The following PAK3 variants were observed in gnomAD, a reference collection of about 807,000 sequenced individuals.
PAK3 encodes the protein p21 (RAC1) activated kinase 3.
In PAK3, 4 loss-of-function variants were observed where a neutral mutation model predicts 41.0. The ratio of observed to expected loss-of-function variants is 0.10; its 90% CI spans 0.05 to 0.22. PAK3 has a LOEUF of 0.22. PAK3 is among the 10% of genes least tolerant of loss of function. PAK3 has a pLI of 1.00. For synonymous variants in PAK3, 146 were observed against 139.6 expected (o/e 1.05, Z -0.32); for missense variants, 205 against 409.9 (o/e 0.50, Z 4.32).
intron 4 of PAK3, among the ~76,000 whole-genome samples, chrX:111,119,432 A>C (rs978638065): frequency 2.7e-5 from 3 of 112,248 alleles, no homozygotes; most frequent in Non-Finnish European, 5.6e-5. Context: ...GGCTATATCT[A>C]ATGTGCTACT....
chrX:111,077,679 A>T (rs192909415), intron 1 of PAK3, among the ~76,000 whole-genome samples: 1 of 112,085 alleles, frequency 8.9e-6, no homozygotes. Flanking sequence ...TGAAGACTTA[A>T]ATATAATACT....
intron 10 of PAK3, among the ~76,000 whole-genome samples, chrX:111,166,374 G>T (rs2094255455): frequency 9.0e-6 from 1 of 111,503 alleles, no homozygotes; most frequent in Non-Finnish European, 1.9e-5. Flanking sequence ...CACAATCATG[G>T]CTCACTGCAA....
intron 5 of PAK3, among the ~76,000 whole-genome samples, chrX:111,132,479 A>T (rs1233759245): frequency 9.0e-6 from 1 of 111,003 alleles, no homozygotes; most frequent in Non-Finnish European, 1.9e-5. Flanking sequence ...GGAAAGAAGG[A>T]CAAGGGCTTC....
intron 1 of PAK3, among the ~76,000 whole-genome samples, chrX:110,986,063 G>A (rs887939071): frequency 1.8e-5 from 2 of 111,173 alleles, no homozygotes; most frequent in Non-Finnish European, 3.8e-5. Flanking sequence ...CCATAGGGTA[G>A]CAGCTACTTT....
At chrX:111,137,018 A>G (rs1179927690) in intron 5 of PAK3, among the ~76,000 whole-genome samples, 1 of 111,826 alleles carries the variant, frequency 8.9e-6, no homozygotes, top group Non-Finnish European at 1.9e-5. Context: ...TCAAGGATCC[A>G]TAAGGAAAGG....
At chrX:111,151,114 C>T (rs1025924086) in intron 7 of PAK3, among the ~76,000 whole-genome samples, 3 of 111,839 alleles carry the variant, frequency 2.7e-5, no homozygotes, top group Non-Finnish European at 5.6e-5. Flanking sequence ...TATATTTAAG[C>T]TTCCACATAG....
chrX:111,193,299 CAGA>C (rs1301510680), intron 13 of PAK3, among the ~76,000 whole-genome samples: 3 of 105,541 alleles, frequency 2.8e-5, no homozygotes, highest in Non-Finnish European at 5.8e-5. Context: ...ACCAATGTTA[CAGA>C]AGAAGGAAAA....
At chrX:110,956,794 G>T (rs976121423) in intron 1 of PAK3, among the ~76,000 whole-genome samples, 11 of 111,578 alleles carry the variant, frequency 9.9e-5, no homozygotes, top group Admixed American at 7.6e-4. Flanking sequence ...AGAGCACTTA[G>T]TCTCCTCCCC....
At chrX:111,131,418 A>G (rs1444792164) in intron 5 of PAK3, among the ~76,000 whole-genome samples, 1 of 111,543 alleles carries the variant, frequency 9.0e-6, no homozygotes, top group Non-Finnish European at 1.9e-5. Context: ...TATGTATGTT[A>G]TGTGGAATTT....
intron 1 of PAK3, among the ~76,000 whole-genome samples, chrX:111,045,488 A>C (rs1029307004): frequency 1.8e-5 from 2 of 112,114 alleles, no homozygotes; most frequent in Non-Finnish European, 3.8e-5. Context: ...TAAGCTTGCT[A>C]TCTCCCTGTA....
intron 1 of PAK3, among the ~76,000 whole-genome samples, chrX:111,008,586 C>T (rs931523249): frequency 7.1e-5 from 8 of 112,452 alleles, no homozygotes; most frequent in Non-Finnish European, 1.5e-4. Context: ...CAAGCACAGC[C>T]ATCAGAAGCA....
chrX:111,140,549 A>G (rs2093855614), intron 5 of PAK3, among the ~76,000 whole-genome samples: 1 of 112,160 alleles, frequency 8.9e-6, no homozygotes, highest in Non-Finnish European at 1.9e-5. Context: ...AGAAGTACCA[A>G]CAGAAAACTC....
intron 1 of PAK3, among the ~76,000 whole-genome samples, chrX:110,955,432 T>C (rs2090835142): frequency 8.9e-6 from 1 of 111,923 alleles, no homozygotes; most frequent in Non-Finnish European, 1.9e-5. Flanking sequence ...ATATCTGTCC[T>C]CTTTATTGCC....
At chrX:111,163,797 G>T (rs2094219178) in intron 10 of PAK3, 70 bp downstream of exon 10, 2 of 882,658 alleles carry the variant, frequency 2.3e-6, no homozygotes, top group Non-Finnish European at 3.3e-6. Context: ...AATGGGAATT[G>T]ATCCTTTGGA....
chrX:111,084,604 C>T (rs1050942052), intron 1 of PAK3, among the ~76,000 whole-genome samples: 1 of 111,908 alleles, frequency 8.9e-6, no homozygotes, highest in Admixed American at 9.4e-5. Context: ...GCCTGCCTCC[C>T]TTGCTGCGAT....
intron 8 of PAK3, among the ~76,000 whole-genome samples, chrX:111,161,873 G>A (rs1290998407): frequency 9.0e-6 from 1 of 111,410 alleles, no homozygotes; most frequent in African/African-American, 3.3e-5. Flanking sequence ...CTGTAGCCTT[G>A]TAGTATAGTT....
chrX:111,034,567 G>A (rs903306975), intron 1 of PAK3, among the ~76,000 whole-genome samples: 5 of 111,581 alleles, frequency 4.5e-5, no homozygotes, highest in African/African-American at 1.6e-4. Context: ...ATTACAAAGG[G>A]CCAAAGGATG....
chrX:111,044,396 G>A (rs1183113314), intron 1 of PAK3, among the ~76,000 whole-genome samples: 3 of 112,046 alleles, frequency 2.7e-5, no homozygotes, highest in South Asian at 7.6e-4. Context: ...TCTCCCAAGG[G>A]GAAACCTTGC....
intron 10 of PAK3, among the ~76,000 whole-genome samples, chrX:111,165,073 A>G (rs1401455851): frequency 9.0e-6 from 1 of 111,414 alleles, no homozygotes; most frequent in Non-Finnish European, 1.9e-5. Flanking sequence ...TAAAACCCCA[A>G]CAGTGCACAG....
Sources: gnomAD v4.1 joint callset for allele counts (sites outside exome capture counted in the v4.1 genomes callset) on GRCh38, gnomAD v4.1.1 for gene constraint, MANE v1.5 for transcripts, NCBI Gene and HGNC (gene_info 2026-07-23, HGNC 2026-07-21) for gene names.